UBE2T: variants seen among roughly 807,000 people sequenced by gnomAD.
UBE2T encodes the protein ubiquitin conjugating enzyme E2 T, also known as ubiquitin-conjugating enzyme E2 T.
In UBE2T, 15 loss-of-function variants were observed where a neutral mutation model predicts 23.3. That is an observed-to-expected ratio of 0.64 (90% CI 0.43 to 0.99). UBE2T has a LOEUF of 0.99. Among genes scored for constraint, UBE2T ranks in the 50% least tolerant of loss-of-function variants. UBE2T has a pLI of 0.00. For missense variants in UBE2T, 197 were observed against 234.9 expected (o/e 0.84, Z 1.05); for synonymous variants, 67 against 78.4 (o/e 0.85, Z 0.77).
chr1:202,337,176 C>T (rs1023424893), intron 1 of UBE2T, among the ~76,000 whole-genome samples: 5 of 151,988 alleles, frequency 3.3e-5, no homozygotes, highest in African/African-American at 4.8e-5. Context: ...CTCCTGACCT[C>T]GTGATCCACC....
At chr1:202,337,292 T>C (rs940851379) in intron 1 of UBE2T, among the ~76,000 whole-genome samples, 7 of 152,292 alleles carry the variant, frequency 4.6e-5, no homozygotes, top group Admixed American at 3.9e-4. Context: ...TGCTTATCTT[T>C]CCATGTTGTA....
intron 6 of UBE2T, 86 bp downstream of exon 6, chr1:202,332,924 A>C (rs1018180249): frequency 3.8e-5 from 16 of 417,916 alleles, no homozygotes; most frequent in East Asian, 3.0e-4. Context: ...AAAAAAAAAA[A>C]AAAAAAAAAA....
intron 1 of UBE2T, among the ~76,000 whole-genome samples, chr1:202,336,406 T>G (rs759953029): frequency 6.6e-5 from 10 of 152,018 alleles, no homozygotes; most frequent in Non-Finnish European, 1.5e-4. Context: ...CTTATTAATC[T>G]CTATTCTGAC....
chr1:202,332,057 TTGCAAGA>T, intron 6 of UBE2T, 97 bp from the exon 7 acceptor site: 1 of 1,476,052 alleles, frequency 6.8e-7, no homozygotes. Flanking sequence ...TACTTCTTTG[TTGCAAGA>T]TTTAAATACA....
In UBE2T at chr1:202,339,834, G is replaced by A. The variant is rs1654961963; in HGVS notation, c.-65+2061C>T. ...GCAGAAGGATCACTTGAGGCCAGGG[G>A]TTCAAGACCAGCCTGTGCAACAAAG... is the stretch of plus-strand genomic sequence containing the variant. On this transcript the variant is annotated intron_variant, in intron 1 of 6. Transcript: ENST00000646651. Among the ~76,000 whole-genome samples the A allele has an allele frequency of 2.0e-5, 3 of 152,042 alleles. No individual in the cohort carries two copies. The South Asian group carries it at 6.2e-4, about 32-fold the overall frequency.
Position 202,333,525 on chromosome 1 carries a change from A to C in UBE2T, c.210T>G (p.Phe70Leu). The C allele has an allele frequency of 6.2e-7, 1 of 1,614,168 alleles. No individual in the cohort carries two copies. Reference sequence around the variant, plus strand: ...TGTTTGGATGATAAATTGGAGTGAGAAATCGGATCTGAGGAGGTTCAAATG... The same window carrying C: ...TGTTTGGATGATAAATTGGAGTGAGCAATCGGATCTGAGGAGGTTCAAATG... ...RYPFEPPQIRFLTPIYHPNID... is the reference protein window; with the variant it reads ...RYPFEPPQIRLLTPIYHPNID... The change falls in exon 4 of 7, where the codon TTT (phenylalanine) becomes TTG (leucine). Residue 70 changes from phenylalanine (F) to leucine (L), a missense_variant. Transcript: ENST00000646651.
chr1:202,338,996 A>G (rs1402230997), intron 1 of UBE2T, among the ~76,000 whole-genome samples: 2 of 151,686 alleles, frequency 1.3e-5, no homozygotes, highest in East Asian at 1.9e-4. Context: ...AGACTGGCCT[A>G]TAACTGTCCT....
chr1:202,341,830 G>C (rs1249881803), intron 1 of UBE2T, 65 bp downstream of exon 1: 2 of 152,282 alleles, frequency 1.3e-5, no homozygotes, highest in Non-Finnish European at 2.9e-5. Flanking sequence ...TTCCCCCCAA[G>C]ACTCAGTGAC....
Position 202,332,938 on chromosome 1 carries a change from A to C in UBE2T, c.468+72T>G, listed in dbSNP as rs927121516. 1.9e-4 allele frequency: 57 copies of C among 305,508 alleles called. 1 individual carries two copies. The South Asian group carries it at 2.8e-3, about 15-fold the overall frequency. The allele number at this position is 305,508 out of a possible 1,614,324, so 18.9% of individuals were successfully genotyped here. A position where few individuals can be genotyped will look rare whatever the true frequency, so the allele number is the denominator to read the frequency against. ...AAAAAAAAAAAAAAAAAAAAAAAAA[A>C]AACATTATTTATACATATATACTTT... On this transcript the variant is annotated intron_variant, in intron 6 of 6. Coordinates refer to ENST00000646651, the MANE Select transcript of UBE2T (RefSeq NM_014176.4).
chr1:202,333,201 A>G, intron 5 of UBE2T, 36 bp downstream of exon 5: 1 of 1,611,818 alleles, frequency 6.2e-7, no homozygotes, highest in Non-Finnish European at 8.5e-7. Context: ...TAGACAAGGT[A>G]GGATATGTGT....
chr1:202,337,630 G>C (rs530815281), intron 1 of UBE2T, among the ~76,000 whole-genome samples: 1 of 152,222 alleles, frequency 6.6e-6, no homozygotes, highest in East Asian at 1.9e-4. Context: ...GTGTGGATTT[G>C]TTTTGGGACT....
At chr1:202,337,252 T>C (rs1403971406) in intron 1 of UBE2T, among the ~76,000 whole-genome samples, 1 of 152,178 alleles carries the variant, frequency 6.6e-6, no homozygotes, top group African/African-American at 2.4e-5. Context: ...ACACCAATCC[T>C]TTAATGTGTT....
Position 202,332,131 on chromosome 1 carries a change from TTTTA to T in UBE2T, c.469-175_469-172del, listed in dbSNP as rs1654765904. Among the ~76,000 whole-genome samples, 3 of 152,222 alleles carry T rather than the reference TTTTA, an allele frequency of 2.0e-5. No individual in the cohort carries two copies. In the South Asian group the frequency reaches 6.2e-4, roughly 31 times the overall value. On this transcript the variant is annotated intron_variant, in intron 6 of 6. Coordinates refer to ENST00000646651, the MANE Select transcript of UBE2T (RefSeq NM_014176.4). ...TCTTCCTCAATTTTTTTGTTTTAAT[TTTTA>T]TTTCTTTTTACAAGTAACACCACTG...
Position 202,335,860 on chromosome 1 carries a change from T to C in UBE2T, c.-64-42A>G. 9.9e-7 allele frequency: 1 copy of C among 1,014,712 alleles called. No individual in the cohort carries two copies. Among genetic ancestry groups the C allele is most frequent in the East Asian group, 2.4e-5 (1 of 41,112 alleles). 62.9% of individuals were successfully genotyped at this position (1,014,712 alleles called of 1,614,324 possible). A position where few individuals can be genotyped will look rare whatever the true frequency, so the allele number is the denominator to read the frequency against. ...GTGACCATAAAATCATCAGCAATAA[T>C]GACTATGAAGTTTTCAGCAAACAGC... On this transcript the variant is annotated intron_variant, in intron 1 of 6. Transcript: ENST00000646651. The surrounding 1 kb of genome is among the most constrained non-coding windows in gnomAD (Gnocchi z 4.0).
At chr1:202,337,449 T>C (rs1212052491) in intron 1 of UBE2T, among the ~76,000 whole-genome samples, 2 of 152,252 alleles carry the variant, frequency 1.3e-5, no homozygotes, top group Non-Finnish European at 2.9e-5. Context: ...ATAATTTTGC[T>C]ATTCAAATTT....
intron 6 of UBE2T, 79 bp from the exon 7 acceptor site, chr1:202,332,039 T>C (rs1654764188): frequency 6.5e-7 from 1 of 1,547,050 alleles, no homozygotes; most frequent in Admixed American, 1.9e-5. Context: ...TGTAATATTA[T>C]TTCCATGTAC....
At position 202,333,112 on chromosome 1, in the gene UBE2T, A is replaced by G; in HGVS notation, c.385-19T>C. 2 of 1,611,088 alleles carry G rather than the reference A, an allele frequency of 1.2e-6. No individual in the cohort carries two copies. Among genetic ancestry groups the G allele is most frequent in the African/African-American group, 1.3e-5 (1 of 74,908 alleles). ...CTGAGGACTGAGATGAAATCAAAGA[A>G]AAGAGTTAATGGAGAAAAACATGAT... is the stretch of plus-strand genomic sequence containing the variant. On this transcript the variant is annotated intron_variant, in intron 5 of 6. Transcript: ENST00000646651.
At position 202,335,613 on chromosome 1, in the gene UBE2T, T is replaced by C. The variant is rs373114100; in HGVS notation, c.109+33A>G. On this transcript the variant is annotated intron_variant, in intron 2 of 6. Transcript: ENST00000646651. This position sits in a 1 kb window ranked among gnomAD's most constrained non-coding sequence, Gnocchi z 4.0. ...TTCAGCACAATCTTCAATAGGGTCA[T>C]GACTTTCATCATATACATGATTTGA... The C allele has an allele frequency of 1.3e-6, 2 of 1,591,970 alleles. No individual in the cohort carries two copies. The highest frequency in any genetic ancestry group is 1.7e-5 in the Admixed American group (1 of 59,956).
At chr1:202,332,988 A>G in intron 6 of UBE2T, 22 bp downstream of exon 6, 2 of 1,560,916 alleles carry the variant, frequency 1.3e-6, no homozygotes, top group Non-Finnish European at 1.8e-6. Context: ...TAATTAACTG[A>G]CAATAGTAGC....
Sources: gnomAD v4.1 joint callset for allele counts (sites outside exome capture counted in the v4.1 genomes callset) on GRCh38, gnomAD v4.1.1 for gene constraint, Gnocchi (gnomAD v3.1) non-coding constraint, MANE v1.5 for transcripts, NCBI Gene and HGNC (gene_info 2026-07-23, HGNC 2026-07-21) for gene names.